EPHA5: variants seen among roughly 807,000 people sequenced by gnomAD.
EPHA5 encodes the protein ephrin type-A receptor 5.
Under a neutral mutation model 105.0 loss-of-function variants are expected in EPHA5, and 60 were observed. The observed-to-expected ratio is 0.57, with a 90% CI of 0.46 to 0.71. The LOEUF is 0.71. Among genes scored for constraint, EPHA5 ranks in the 30% least tolerant of loss-of-function variants. EPHA5 has a pLI of 0.00. For missense variants in EPHA5, 1,218 were observed against 1,274.7 expected, an observed-to-expected ratio of 0.96 and a Z score of 0.68; for synonymous variants, 513 against 449.1, an observed-to-expected ratio of 1.14 and a Z score of -1.80.
intron 3 of EPHA5, among the ~76,000 whole-genome samples, chr4:65,594,165 T>G (rs1486124502): frequency 6.6e-6 from 1 of 152,160 alleles, no homozygotes; most frequent in Non-Finnish European, 1.5e-5. Context: ...TTTAAATATA[T>G]AAAGCTTTTT....
chr4:65,574,473 A>T (rs562655058), intron 3 of EPHA5: 1 of 326,858 alleles, frequency 3.1e-6, no homozygotes. Context: ...TTATAAATGT[A>T]GTTAAATATT....
At chr4:65,519,629 C>T (rs529402592) in intron 3 of EPHA5, among the ~76,000 whole-genome samples, 397 of 152,226 alleles carry the variant, frequency 2.6e-3, no homozygotes, top group African/African-American at 9.0e-3. Flanking sequence ...TACAAAACCC[C>T]ATCGTCTCAG....
intron 6 of EPHA5, among the ~76,000 whole-genome samples, chr4:65,417,034 C>A (rs1182349919): frequency 2.0e-5 from 3 of 152,236 alleles, no homozygotes; most frequent in Non-Finnish European, 4.4e-5. Flanking sequence ...TCCCCAGCTG[C>A]TTAGCAAACA....
chr4:65,409,606 T>G (rs1001314623), intron 7 of EPHA5, among the ~76,000 whole-genome samples: 1 of 152,116 alleles, frequency 6.6e-6, no homozygotes, highest in Non-Finnish European at 1.5e-5. Flanking sequence ...TCACTGAAGG[T>G]TAAAATAATT....
At chr4:65,403,679 A>T (rs1280585901) in intron 8 of EPHA5, among the ~76,000 whole-genome samples, 1 of 151,988 alleles carries the variant, frequency 6.6e-6, no homozygotes, top group Non-Finnish European at 1.5e-5. Context: ...GCTCAGCTTA[A>T]TATCAGAAAG....
At chr4:65,411,118 G>T (rs567874010) in intron 7 of EPHA5, among the ~76,000 whole-genome samples, 1 of 151,982 alleles carries the variant, frequency 6.6e-6, no homozygotes, top group East Asian at 1.9e-4. Context: ...TTATTTTTAT[G>T]CATGATAAAA....
intron 5 of EPHA5, among the ~76,000 whole-genome samples, chr4:65,465,140 GA>G (rs1728487909): frequency 1.3e-5 from 2 of 152,102 alleles, no homozygotes; most frequent in Admixed American, 1.3e-4. Flanking sequence ...GCTGGTAATA[GA>G]AATTGAGTAA....
chr4:65,521,975 T>G (rs1331238503), intron 3 of EPHA5, among the ~76,000 whole-genome samples: 1 of 152,146 alleles, frequency 6.6e-6, no homozygotes, highest in South Asian at 2.1e-4. Context: ...TTATGTAACT[T>G]AACTTTTCCC....
intron 2 of EPHA5, among the ~76,000 whole-genome samples, chr4:65,635,957 C>T (rs1408521145): frequency 2.6e-5 from 4 of 152,008 alleles, no homozygotes; most frequent in East Asian, 1.9e-4. Context: ...TTTACAGAGT[C>T]TATTGGGTTT....
At chr4:65,576,000 G>GAGAGAAAGAAAGAA (rs1553943368) in intron 3 of EPHA5, among the ~76,000 whole-genome samples, 1 of 29,732 alleles carries the variant, frequency 3.4e-5, no homozygotes, top group Non-Finnish European at 6.6e-5. Context: ...GAGAGAGAGA[G>GAGAGAAAGAAAGAA]AGAAAGAAAG....
chr4:65,666,833 T>G (rs1000976321), intron 1 of EPHA5, among the ~76,000 whole-genome samples: 7 of 152,194 alleles, frequency 4.6e-5, no homozygotes, highest in Non-Finnish European at 1.0e-4. Context: ...AGATATATGT[T>G]TGGCTTTTTC....
At chr4:65,390,454 GGCCCTGCATGACAT>G (rs796862883) in intron 8 of EPHA5, among the ~76,000 whole-genome samples, 15 of 152,110 alleles carry the variant, frequency 9.9e-5, no homozygotes, top group African/African-American at 3.6e-4. Context: ...TTTCTCTGAT[GGCCCTGCATGACAT>G]GCCATACCTT....
chr4:65,541,834 A>G (rs1274557593), intron 3 of EPHA5, among the ~76,000 whole-genome samples: 1 of 151,908 alleles, frequency 6.6e-6, no homozygotes, highest in African/African-American at 2.4e-5. Context: ...AATTGACATT[A>G]TCGGAAGTAA....
At chr4:65,437,511 C>T (rs1725590266) in intron 5 of EPHA5, among the ~76,000 whole-genome samples, 2 of 151,902 alleles carry the variant, frequency 1.3e-5, no homozygotes, top group Non-Finnish European at 2.9e-5. Flanking sequence ...GTACAATTGA[C>T]CATATCTTCT....
At position 65,576,103 on chromosome 4, in the gene EPHA5, G is replaced by GAAA. The variant is rs760384286; in HGVS notation, c.910+25535_910+25537dup. Among the ~76,000 whole-genome samples, 235 of 74,954 alleles carry GAAA rather than the reference G, an allele frequency of 3.1e-3. 3 individuals are homozygous for GAAA. The highest frequency in any genetic ancestry group is 0.011 in the East Asian group (24 of 2,136). The allele number at this position is 74,954 out of a possible 152,430, so 49.2% of individuals were successfully genotyped here. Reference sequence around the variant, plus strand: ...GAAAAGAAAAGAAAAGAAAAGAAAAGAAAAGAAAAGAAAAAAGAAAAGAAA... The same window carrying GAAA: ...GAAAAGAAAAGAAAAGAAAAGAAAAGAAAAAAAGAAAAGAAAAAAGAAAAGAAA... On this transcript the variant is annotated intron_variant, in intron 3 of 16. Transcript: ENST00000613740.
At chr4:65,585,491 G>A (rs1428519509) in intron 3 of EPHA5, among the ~76,000 whole-genome samples, 4 of 151,766 alleles carry the variant, frequency 2.6e-5, no homozygotes, top group Non-Finnish European at 5.9e-5. Context: ...TTGACCTTAA[G>A]AGCTAAAGTA....
chr4:65,396,479 C>A (rs936602479), intron 8 of EPHA5, among the ~76,000 whole-genome samples: 1 of 152,158 alleles, frequency 6.6e-6, no homozygotes, highest in South Asian at 2.1e-4. Context: ...TCGGTACGAC[C>A]TTTGTATCTC....
intron 2 of EPHA5, among the ~76,000 whole-genome samples, chr4:65,620,961 G>C (rs897705840): frequency 7.9e-5 from 12 of 152,132 alleles, no homozygotes; most frequent in Non-Finnish European, 1.6e-4. Flanking sequence ...AACATTCAGA[G>C]TTGCATGCTT....
chr4:65,367,732 T>A (rs1718057543), intron 8 of EPHA5, among the ~76,000 whole-genome samples: 1 of 152,052 alleles, frequency 6.6e-6, no homozygotes, highest in African/African-American at 2.4e-5. Context: ...TTTACTTTAT[T>A]TTATTTTTAT....
Sources: gnomAD v4.1 joint callset for allele counts (sites outside exome capture counted in the v4.1 genomes callset) on GRCh38, gnomAD v4.1.1 for gene constraint, MANE v1.5 for transcripts, NCBI Gene and HGNC (gene_info 2026-07-23, HGNC 2026-07-21) for gene names.